MYO1H: variants seen among roughly 807,000 people sequenced by gnomAD.
MYO1H encodes myosin IH, also known as unconventional myosin-Ih.
Under a neutral mutation model 149.3 loss-of-function variants are expected in MYO1H, and 118 were observed. That is an observed-to-expected ratio of 0.79 (90% CI 0.68 to 0.92). MYO1H has a LOEUF of 0.92. Among genes scored for constraint, MYO1H ranks in the 40% least tolerant of loss-of-function variants. The pLI is 0.00. For synonymous variants in MYO1H, 447 were observed against 465.2 expected (o/e 0.96, Z 0.50); for missense variants, 1,212 against 1,280.7 (o/e 0.95, Z 0.82).
At chr12:109,394,784 C>G (rs891382075) in intron 3 of MYO1H, among the ~76,000 whole-genome samples, 1 of 152,112 alleles carries the variant, frequency 6.6e-6, no homozygotes, top group African/African-American at 2.4e-5. Context: ...TATGTTGAGA[C>G]AGGGTCTCGC....
At chr12:109,323,214 T>A in the MYO1H span, among the ~76,000 whole-genome samples, 3 of 152,234 alleles carry the variant, frequency 2.0e-5, no homozygotes, top group Non-Finnish European at 4.4e-5. Flanking sequence ...ACAGAATACC[T>A]TCTAGGTTTT....
rs1399678357 is a variant in MYO1H at position 109,446,174 on chromosome 12, AG to A, written c.3093+564del. On this transcript the variant is annotated intron_variant, in intron 31 of 31. Coordinates refer to ENST00000310903, the Ensembl canonical transcript of MYO1H. ...TATAAAATGGATCTAACAAGCACAG[AG>A]GTTTGGGAACCATGGCTACGTTAGG... 7.1e-6 allele frequency: 7 copies of A among 985,386 alleles called. No homozygotes were observed. The East Asian group carries it at 5.7e-4, about 80-fold the overall frequency. The allele number at this position is 985,386 out of a possible 1,614,324, so 61.0% of individuals were successfully genotyped here. A position where few individuals can be genotyped will look rare whatever the true frequency, so the allele number is the denominator to read the frequency against.
chr12:109,446,523 G>A lies in MYO1H; in HGVS notation c.3094-636G>A, dbSNP rs980268088. On this transcript the variant is annotated intron_variant, in intron 31 of 31. Transcript: ENST00000310903. ...TCACGCCTATAATCCCAGCACTTTGGGAGGCCGAGATGGGCAGATCACCTG... is the reference window on the plus strand; with the variant it reads ...TCACGCCTATAATCCCAGCACTTTGAGAGGCCGAGATGGGCAGATCACCTG... 3 of 935,218 alleles carry A rather than the reference G, an allele frequency of 3.2e-6. No individual in the cohort carries two copies. In the African/African-American group the frequency reaches 5.3e-5, roughly 17 times the overall value. 57.9% of individuals were successfully genotyped at this position (935,218 alleles called of 1,614,324 possible).
At chr12:109,373,766 G>A (rs1444938955) in intron 1 of MYO1H, among the ~76,000 whole-genome samples, 1 of 152,056 alleles carries the variant, frequency 6.6e-6, no homozygotes, top group Non-Finnish European at 1.5e-5. Flanking sequence ...ACACTCATAT[G>A]CCTCCACCCA....
At chr12:109,357,585 T>C (rs939615746) in intron 1 of MYO1H, among the ~76,000 whole-genome samples, 1 of 152,226 alleles carries the variant, frequency 6.6e-6, no homozygotes, top group Non-Finnish European at 1.5e-5. Flanking sequence ...TAAAACTTTA[T>C]TTATGGATAC....
intron 1 of MYO1H, among the ~76,000 whole-genome samples, chr12:109,351,281 C>T (rs889937558): frequency 2.6e-5 from 4 of 152,002 alleles, no homozygotes; most frequent in East Asian, 1.9e-4. Flanking sequence ...ATATTATTAC[C>T]GTAAAAACTC....
At chr12:109,412,624 G>T (rs1302020633) in intron 14 of MYO1H, among the ~76,000 whole-genome samples, 3 of 151,922 alleles carry the variant, frequency 2.0e-5, no homozygotes, top group Non-Finnish European at 4.4e-5. Context: ...GTACTTGTAT[G>T]TGCCTGTGTA....
rs1033845119 is a variant in MYO1H at position 109,353,094 on chromosome 12, C to G, written c.12+5122C>G. On this transcript the variant is annotated intron_variant, in intron 1 of 31. Coordinates refer to ENST00000310903, the Ensembl canonical transcript of MYO1H. The stretch of plus-strand genomic sequence containing the variant: ...ATCAAGGGTACTTGCCCCAAATACT[C>G]ATAAACAATATTATTGTGAGGCTGG... Among the ~76,000 whole-genome samples, 5 of 152,050 alleles carry G rather than the reference C, an allele frequency of 3.3e-5. No homozygotes were observed. The East Asian group carries it at 9.6e-4, about 29-fold the overall frequency.
the MYO1H span, among the ~76,000 whole-genome samples, chr12:109,326,607 C>T: frequency 6.6e-6 from 1 of 151,462 alleles, no homozygotes; most frequent in African/African-American, 2.4e-5. Flanking sequence ...CTGCAACCTC[C>T]GCCTCCTGGG....
At chr12:109,425,892 A>C (rs1871333326) in intron 17 of MYO1H, 54 bp from the exon 18 acceptor site, 2 of 1,280,940 alleles carry the variant, frequency 1.6e-6, no homozygotes. Context: ...TATTCGTTGG[A>C]AGCAGCAGTA....
At chr12:109,329,555 T>G in the MYO1H span, among the ~76,000 whole-genome samples, 1 of 152,188 alleles carries the variant, frequency 6.6e-6, no homozygotes, top group Non-Finnish European at 1.5e-5. Context: ...TGAGCTAGCC[T>G]TTTGTTACTT....
chr12:109,329,921 G>C, the MYO1H span, among the ~76,000 whole-genome samples: 3 of 152,174 alleles, frequency 2.0e-5, no homozygotes, highest in African/African-American at 7.2e-5. Flanking sequence ...TAGGACAGCC[G>C]TAGTCTCTGC....
intron 1 of MYO1H, among the ~76,000 whole-genome samples, chr12:109,378,738 T>G (rs1592783872): frequency 6.6e-6 from 1 of 150,906 alleles, no homozygotes; most frequent in African/African-American, 2.4e-5. Flanking sequence ...TAGTGGAAGG[T>G]AAAAGGAAGC....
chr12:109,419,567 G>GA lies in MYO1H; in HGVS notation c.1598-1411dup, dbSNP rs575542020. ...AAATTTTTATTTAATCATTTTTCTG[G>GA]AAACAGGGTTTCACTTTGTTGCCTA... On this transcript the variant is annotated intron_variant, in intron 15 of 31. Transcript: ENST00000310903. Among the ~76,000 whole-genome samples the GA allele has an allele frequency of 2.8e-3, 418 of 151,736 alleles. 1 individual carries two copies. The highest frequency in any genetic ancestry group is 9.6e-3 in the African/African-American group (396 of 41,352).
intron 26 of MYO1H, 43 bp from the exon 27 acceptor site, chr12:109,442,174 G>C (rs758503473): frequency 3.2e-6 from 5 of 1,558,138 alleles, no homozygotes; most frequent in Non-Finnish European, 3.5e-6. Flanking sequence ...CCACAGGATT[G>C]GTACTTTAGT....
intron 10 of MYO1H, among the ~76,000 whole-genome samples, chr12:109,409,161 A>G (rs139508645): frequency 6.7e-6 from 1 of 149,216 alleles, no homozygotes; most frequent in East Asian, 2.0e-4. Context: ...TTGGATAGGC[A>G]TCTTCTTGTC....
intron 1 of MYO1H, chr12:109,354,280 C>T (rs959470481): frequency 2.0e-5 from 3 of 152,094 alleles, no homozygotes; most frequent in African/African-American, 7.2e-5. Flanking sequence ...TACTCTCCGT[C>T]TCCTCCCTTG....
chr12:109,373,282 G>C (rs1481459466), intron 1 of MYO1H, among the ~76,000 whole-genome samples: 1 of 151,978 alleles, frequency 6.6e-6, no homozygotes, highest in Non-Finnish European at 1.5e-5. Context: ...TTGATTTTAA[G>C]AGGCATGCTT....
chr12:109,416,378 G>GTTTTTTTTT (rs771334177), intron 15 of MYO1H, among the ~76,000 whole-genome samples: 12 of 135,380 alleles, frequency 8.9e-5, no homozygotes, highest in African/African-American at 3.1e-4. Context: ...TGTTGTTGTT[G>GTTTTTTTTT]GTTTTTTTTT....
Sources: allele counts gnomAD v4.1 joint callset (sites outside exome capture counted in the v4.1 genomes callset), GRCh38; gene constraint gnomAD v4.1.1; transcripts MANE v1.5; gene names NCBI Gene and HGNC (gene_info 2026-07-23, HGNC 2026-07-21).